ACOT11: variants seen among roughly 807,000 people sequenced by gnomAD.
ACOT11 encodes acyl-coenzyme A thioesterase 11.
In ACOT11, 69 loss-of-function variants were observed where a neutral mutation model predicts 77.5. The ratio of observed to expected loss-of-function variants is 0.89; its 90% confidence interval spans 0.73 to 1.09. ACOT11 has a LOEUF of 1.09. Among genes scored for constraint, ACOT11 ranks in the 50% least tolerant of loss-of-function variants. ACOT11 has a pLI of 0.00. For synonymous variants in ACOT11, 279 were observed against 313.0 expected (o/e 0.89, Z 1.15); for missense variants, 766 against 813.7 (o/e 0.94, Z 0.71).
At chr1:54,551,990 C>T (rs779260370) in intron 1 of ACOT11, among the ~76,000 whole-genome samples, 44 of 152,132 alleles carry the variant, frequency 2.9e-4, no homozygotes, top group Non-Finnish European at 5.7e-4. Flanking sequence ...CTGGAGGGCT[C>T]CCCACAACCT....
chr1:54,610,391 G>A, downstream of ACOT11: 1 of 1,610,430 alleles, frequency 6.2e-7, no homozygotes, highest in East Asian at 2.2e-5. Flanking sequence ...GGGAGCACCG[G>A]GGCTGAAGGG....
At chr1:54,623,646 TA>T (rs1644253098) in intron 15 of ACOT11, 1 of 419,418 alleles carries the variant, frequency 2.4e-6, no homozygotes, top group Non-Finnish European at 4.2e-6. Context: ...CTACCATATC[TA>T]AAATGACCTT....
rs371868844 is a variant in ACOT11 at position 54,627,813 on chromosome 1, G to A, written c.1630-2921G>A. On this transcript the variant is annotated intron_variant, in intron 15 of 16. Transcript: ENST00000371316. ...GGAGAACCATCAGGGACGGGGGCTA[G>A]GGAAGACCTTCCAGACAAAGGGTGC... 4.7e-4 allele frequency among the ~76,000 whole-genome samples: 63 copies of A among 133,502 alleles called. 10 individuals are homozygous for A. In the South Asian group the frequency reaches 0.016, roughly 34 times the overall value. 87.6% of individuals were successfully genotyped at this position (133,502 alleles called of 152,430 possible).
At chr1:54,622,871 G>C (rs775156378) in intron 15 of ACOT11, among the ~76,000 whole-genome samples, 3 of 151,868 alleles carry the variant, frequency 2.0e-5, no homozygotes, top group Non-Finnish European at 4.4e-5. Context: ...TGGTGGGGAC[G>C]AGGGCTCAAG....
Position 54,581,961 on chromosome 1 carries a change from G to C in ACOT11, c.34-2694G>C, listed in dbSNP as rs76441944. Among the ~76,000 whole-genome samples, 485 of 152,198 alleles carry C rather than the reference G, an allele frequency of 3.2e-3. 3 individuals are homozygous for C. The highest frequency in any genetic ancestry group is 0.011 in the African/African-American group (442 of 41,424). On this transcript the variant is annotated intron_variant, in intron 1 of 15. Coordinates refer to ENST00000343744, the MANE Select transcript of ACOT11 (RefSeq NM_147161.4). Reference sequence around the variant, plus strand: ...CCCAAGGAAGGAGTGGAGTCTGAAAGGCTATGCCTGGGGCCACCTGCTGCT... The same window carrying C: ...CCCAAGGAAGGAGTGGAGTCTGAAACGCTATGCCTGGGGCCACCTGCTGCT...
intron 1 of ACOT11, among the ~76,000 whole-genome samples, chr1:54,568,011 G>A (rs920968507): frequency 1.3e-5 from 2 of 152,122 alleles, no homozygotes; most frequent in Non-Finnish European, 2.9e-5. Flanking sequence ...TAGGGGATGG[G>A]GCAGAGTCTG....
intron 3 of ACOT11, among the ~76,000 whole-genome samples, chr1:54,588,488 C>A (rs684473): frequency 6.6e-6 from 1 of 151,996 alleles, no homozygotes; most frequent in Non-Finnish European, 1.5e-5. Flanking sequence ...AATGGAGGAC[C>A]CAGGATATAC....
At chr1:54,616,661 C>A (rs139362815) in intron 15 of ACOT11, among the ~76,000 whole-genome samples, 167 of 152,308 alleles carry the variant, frequency 1.1e-3, no homozygotes, top group African/African-American at 3.9e-3. Flanking sequence ...GCGTGAGCCA[C>A]CGTGCCCGGC....
intron 3 of ACOT11, among the ~76,000 whole-genome samples, chr1:54,589,175 C>T (rs1414538033): frequency 6.6e-6 from 1 of 152,082 alleles, no homozygotes; most frequent in Non-Finnish European, 1.5e-5. Context: ...GGCAACCAAG[C>T]TGGGCTAATT....
At chr1:54,593,861 T>C in intron 4 of ACOT11, 80 bp from the exon 5 acceptor site, 1 of 1,227,722 alleles carries the variant, frequency 8.1e-7, no homozygotes, top group Non-Finnish European at 1.2e-6. Flanking sequence ...TGGGACTTGC[T>C]GTCTGGTGGA....
chr1:54,582,184 A>C lies in ACOT11; in HGVS notation c.34-2471A>C, dbSNP rs191917004. The stretch of plus-strand genomic sequence containing the variant: ...AGCTGGGTATGCAAATCCCAGGCTG[A>C]GTTAGGCCCTGGACTCCTGGAACCA... On this transcript the variant is annotated intron_variant, in intron 1 of 15. Coordinates refer to ENST00000343744, the MANE Select transcript of ACOT11 (RefSeq NM_147161.4). Among the ~76,000 whole-genome samples, 7 of 152,188 alleles carry C rather than the reference A, an allele frequency of 4.6e-5. No individual in the cohort carries two copies. The East Asian group carries it at 1.4e-3, about 29-fold the overall frequency.
At chr1:54,605,287 A>G (rs1172656824) in intron 13 of ACOT11, 78 bp downstream of exon 13, 3 of 1,524,842 alleles carry the variant, frequency 2.0e-6, no homozygotes, top group Non-Finnish European at 2.6e-6. Context: ...TCTGCGGGTC[A>G]TCCTCCATGA....
At position 54,610,223 on chromosome 1, in the gene ACOT11, CAGG is replaced by C; in HGVS notation, c.*1114_*1116del. On this transcript the variant is annotated 3_prime_UTR_variant, in exon 16 of 16. Transcript: ENST00000343744. ...TGTAGCTGAGGACTGGTCTGAAGGC[CAGG>C]AGCCCTGTGCTCTTGACATCACTGT... 1.4e-6 allele frequency: 2 copies of C among 1,438,042 alleles called. No individual in the cohort carries two copies. The highest frequency in any genetic ancestry group is 1.8e-6 in the Non-Finnish European group (2 of 1,101,550). 89.1% of individuals were successfully genotyped at this position (1,438,042 alleles called of 1,614,324 possible).
intron 1 of ACOT11, among the ~76,000 whole-genome samples, chr1:54,558,268 A>G (rs1569642050): frequency 1.3e-5 from 2 of 152,270 alleles, no homozygotes; most frequent in African/African-American, 4.8e-5. Flanking sequence ...AAAATCTGCA[A>G]TAAGTGCTAT....
chr1:54,610,534 A>G (rs376242637), downstream of ACOT11: 1 of 1,612,734 alleles, frequency 6.2e-7, no homozygotes, highest in Non-Finnish European at 8.5e-7. Flanking sequence ...CGTGTAGTAC[A>G]TTGGTTTCCG....
intron 1 of ACOT11, among the ~76,000 whole-genome samples, chr1:54,565,864 T>C (rs1485458293): frequency 2.0e-5 from 3 of 152,222 alleles, no homozygotes; most frequent in Non-Finnish European, 4.4e-5. Flanking sequence ...CTTGTTTCTT[T>C]GCTGCCTTTT....
At chr1:54,601,557 T>C in intron 9 of ACOT11, 144 bp downstream of exon 9, 1 of 1,289,562 alleles carries the variant, frequency 7.8e-7, no homozygotes, top group Non-Finnish European at 1.0e-6. Context: ...GCCAGCTGAG[T>C]GTCCTGGCTG....
At chr1:54,630,491 C>T (rs2101033209) in intron 15 of ACOT11, among the ~76,000 whole-genome samples, 1 of 152,348 alleles carries the variant, frequency 6.6e-6, no homozygotes, top group African/African-American at 2.4e-5. Context: ...CAAACAAAAG[C>T]ATGAGTGATC....
chr1:54,605,346 G>A (rs1454286303), intron 13 of ACOT11, 137 bp downstream of exon 13: 9 of 1,348,140 alleles, frequency 6.7e-6, no homozygotes, highest in South Asian at 3.0e-5. Flanking sequence ...CATGCTGGGT[G>A]GGGGTTCAGG....
Sources: gnomAD v4.1 joint callset for allele counts (sites outside exome capture counted in the v4.1 genomes callset) on GRCh38, gnomAD v4.1.1 for gene constraint, MANE v1.5 for transcripts, NCBI Gene and HGNC (gene_info 2026-07-23, HGNC 2026-07-21) for gene names.